DBT: variants seen among roughly 807,000 people sequenced by gnomAD.
The protein encoded by DBT is dihydrolipoamide branched chain transacylase E2.
In DBT, 40 loss-of-function variants were observed where a neutral mutation model predicts 51.3. That is an observed-to-expected ratio of 0.78 (90% CI 0.61 to 1.02). The LOEUF is 1.02. DBT is among the 50% of genes least tolerant of loss of function. DBT has a pLI of 0.00. For synonymous variants in DBT, 181 were observed against 190.4 expected (o/e 0.95, Z 0.41); for missense variants, 510 against 580.2 (o/e 0.88, Z 1.24).
intron 8 of DBT, among the ~76,000 whole-genome samples, chr1:100,208,881 T>A (rs1441368891): frequency 1.5e-5 from 2 of 132,078 alleles, no homozygotes; most frequent in East Asian, 4.3e-4. Flanking sequence ...GGGAATACTT[T>A]AGATAGGCAA....
intron 3 of DBT, 112 bp from the exon 4 acceptor site, chr1:100,231,026 A>C (rs554809393): frequency 4.2e-6 from 3 of 718,572 alleles, no homozygotes; most frequent in Non-Finnish European, 7.5e-6. Flanking sequence ...CCCAGCATTT[A>C]CTTTCAGATG....
chr1:100,244,725 CTG>C (rs1322095568), intron 1 of DBT, among the ~76,000 whole-genome samples: 8 of 151,816 alleles, frequency 5.3e-5, no homozygotes, highest in South Asian at 2.1e-4. Context: ...ATAATAATAA[CTG>C]ATAATAAAAT....
chr1:100,201,641 AG>A (rs1477622517), intron 10 of DBT, among the ~76,000 whole-genome samples: 1 of 152,204 alleles, frequency 6.6e-6, no homozygotes, highest in Non-Finnish European at 1.5e-5. Flanking sequence ...AAAAATGTTA[AG>A]GGCAACCAGA....
chr1:100,222,476 T>C (rs1662908199), intron 4 of DBT, among the ~76,000 whole-genome samples: 1 of 152,184 alleles, frequency 6.6e-6, no homozygotes, highest in Non-Finnish European at 1.5e-5. Flanking sequence ...ACAAAGTGGT[T>C]AGGAGCATGG....
chr1:100,221,048 G>C (rs531338485), intron 4 of DBT, among the ~76,000 whole-genome samples: 1 of 152,172 alleles, frequency 6.6e-6, no homozygotes, highest in African/African-American at 2.4e-5. Flanking sequence ...TTGCTGAAGA[G>C]AATGTATAAA....
chr1:100,206,730 A>C, intron 8 of DBT, 94 bp from the exon 9 acceptor site: 1 of 785,082 alleles, frequency 1.3e-6, no homozygotes, highest in Admixed American at 1.8e-5. Context: ...AACCACTACC[A>C]AAACTCATTT....
In DBT at chr1:100,216,179, A is replaced by G; in HGVS notation, c.576T>C (p.Val192=). ...MENNIKLSEV[V]GSGKDGRILK... ...GTATTCTGCCATCTTTTCCTGAGCCAACAACTTCACTCAGCTTAATCTAAA... is the reference window on the plus strand; with the variant it reads ...GTATTCTGCCATCTTTTCCTGAGCCGACAACTTCACTCAGCTTAATCTAAA... Residue 192 remains valine, a synonymous_variant, in exon 6 of 11, where the codon GTT becomes GTC. Coordinates refer to ENST00000370132, the MANE Select transcript of DBT (RefSeq NM_001918.5). 2.5e-6 allele frequency: 4 copies of G among 1,613,270 alleles called. No homozygotes were observed. The highest frequency in any genetic ancestry group is 3.4e-6 in the Non-Finnish European group (4 of 1,179,288).
rs1282565699 is a variant in DBT, at chr1:100,187,015, A to G, written c.*9240T>C. ...TGACTTTTAAATCTCCATTTGAGAA[A>G]AAGCATGCCATGAGTCTAAATAACC... On this transcript the variant is annotated 3_prime_UTR_variant, in exon 11 of 11. Transcript: ENST00000370132. The G allele has an allele frequency of 6.6e-6, 1 of 152,224 alleles. No individual in the cohort carries two copies. Among genetic ancestry groups the G allele is most frequent in the African/African-American group, 2.4e-5 (1 of 41,450 alleles). The allele number at this position is 152,224 out of a possible 1,614,324, so 9.4% of individuals were successfully genotyped here.
chr1:100,230,026 C>T (rs761621169), intron 4 of DBT, among the ~76,000 whole-genome samples: 1 of 152,094 alleles, frequency 6.6e-6, no homozygotes, highest in Non-Finnish European at 1.5e-5. Context: ...TAACCATCTC[C>T]AACAAGAGTG....
rs947394788 is a variant in DBT, at chr1:100,189,964, A to C, written c.*6291T>G. 2 of 152,220 alleles carry C rather than the reference A, an allele frequency of 1.3e-5. No homozygotes were observed. Among genetic ancestry groups the C allele is most frequent in the Non-Finnish European group, 2.9e-5 (2 of 68,034 alleles). 9.4% of individuals were successfully genotyped at this position (152,220 alleles called of 1,614,324 possible). ...AAATTTAAATTTAATTAGTGTGGCT[A>C]CTGAGCAATTGAAATGTGGCTAGTA... On this transcript the variant is annotated 3_prime_UTR_variant, in exon 11 of 11. Coordinates refer to ENST00000370132, the MANE Select transcript of DBT (RefSeq NM_001918.5).
At chr1:100,224,008 C>T (rs565359529) in intron 4 of DBT, among the ~76,000 whole-genome samples, 9 of 152,196 alleles carry the variant, frequency 5.9e-5, no homozygotes, top group Admixed American at 2.0e-4. Flanking sequence ...GTCACAAATA[C>T]AGTTTCCCTC....
At chr1:100,230,700 A>G (rs1228469425) in intron 4 of DBT, 33 bp downstream of exon 4, 1 of 1,450,124 alleles carries the variant, frequency 6.9e-7, no homozygotes, top group African/African-American at 1.4e-5. Context: ...CCAATAATCA[A>G]TTTGGTAAAA....
chr1:100,212,831 G>A (rs1234806313), intron 7 of DBT, among the ~76,000 whole-genome samples: 3 of 152,182 alleles, frequency 2.0e-5, no homozygotes, highest in Non-Finnish European at 4.4e-5. Flanking sequence ...GAGGGAGTGA[G>A]GTAAGAATGG....
At chr1:100,247,147 G>A (rs1272368534) in intron 1 of DBT, among the ~76,000 whole-genome samples, 6 of 152,166 alleles carry the variant, frequency 3.9e-5, no homozygotes, top group Non-Finnish European at 8.8e-5. Context: ...AGACTGGAAA[G>A]GTCCAGATCA....
chr1:100,228,531 A>G (rs2100822765), intron 4 of DBT, among the ~76,000 whole-genome samples: 1 of 152,246 alleles, frequency 6.6e-6, no homozygotes, highest in East Asian at 1.9e-4. Context: ...GGATGCGGCC[A>G]GCAGATCACT....
At chr1:100,231,810 T>C (rs1272421235) in intron 3 of DBT, among the ~76,000 whole-genome samples, 1 of 152,226 alleles carries the variant, frequency 6.6e-6, no homozygotes, top group Non-Finnish European at 1.5e-5. Flanking sequence ...TTGCAACAAC[T>C]GAGAAGGATG....
At chr1:100,196,471 A>G (rs1443439054) in intron 10 of DBT, 49 bp from the exon 11 acceptor site, 9 of 1,541,674 alleles carry the variant, frequency 5.8e-6, no homozygotes, top group Non-Finnish European at 7.0e-6. Flanking sequence ...AACAAAGAGT[A>G]AACCTTCACT....
chr1:100,209,844 G>A (rs918705314), intron 8 of DBT, among the ~76,000 whole-genome samples: 2 of 152,148 alleles, frequency 1.3e-5, no homozygotes, highest in African/African-American at 2.4e-5. Flanking sequence ...TTATAGGCGT[G>A]AGCCACCGTG....
intron 3 of DBT, among the ~76,000 whole-genome samples, chr1:100,232,656 T>A (rs1013992281): frequency 1.3e-5 from 2 of 152,112 alleles, no homozygotes; most frequent in African/African-American, 4.8e-5. Context: ...CAGACTGGAG[T>A]GCAGTGGTAC....
Sources: allele counts gnomAD v4.1 joint callset (sites outside exome capture counted in the v4.1 genomes callset), GRCh38; gene constraint gnomAD v4.1.1; transcripts MANE v1.5; gene names NCBI Gene and HGNC (gene_info 2026-07-23, HGNC 2026-07-21).